The following COL24A1 variants were observed in gnomAD, a reference collection of about 807,000 sequenced individuals.
COL24A1 encodes the protein collagen type XXIV alpha 1 chain, also known as collagen alpha-1(XXIV) chain.
COL24A1 carries 224 observed loss-of-function variants against 253.9 expected under a neutral mutation model. That is an observed-to-expected ratio of 0.88 (90% CI 0.79 to 0.99). The LOEUF is 0.99. COL24A1 is among the 50% of genes least tolerant of loss of function. The probability of loss-of-function intolerance (pLI) is 0.00; values close to 1 mark genes in which losing one functional copy is unlikely to be tolerated. For synonymous variants in COL24A1, 685 were observed against 673.7 expected, an observed-to-expected ratio of 1.02 and a Z score of -0.26; for missense variants, 2,131 against 2,068.5, an observed-to-expected ratio of 1.03 and a Z score of -0.59.
At chr1:85,973,059 T>C (rs1012444830) in intron 20 of COL24A1, among the ~76,000 whole-genome samples, 1 of 152,204 alleles carries the variant, frequency 6.6e-6, no homozygotes, top group East Asian at 1.9e-4. Flanking sequence ...GATTTAGAAC[T>C]GCCTTCAATA....
At chr1:85,774,350 G>T (rs770512067) in intron 53 of COL24A1, among the ~76,000 whole-genome samples, 7 of 152,012 alleles carry the variant, frequency 4.6e-5, no homozygotes, top group Non-Finnish European at 8.8e-5. Context: ...TTGTGTCTCT[G>T]CCGGGCTTTA....
intron 28 of COL24A1, among the ~76,000 whole-genome samples, 199 bp downstream of exon 28, chr1:85,906,995 G>A (rs1211237148): frequency 6.6e-6 from 1 of 151,848 alleles, no homozygotes; most frequent in East Asian, 1.9e-4. Context: ...ATGGAAAAAT[G>A]TGATTTTATA....
chr1:85,966,331 A>C (rs556986179), intron 22 of COL24A1, among the ~76,000 whole-genome samples: 1 of 152,172 alleles, frequency 6.6e-6, no homozygotes, highest in South Asian at 2.1e-4. Flanking sequence ...CTTGTTAGAC[A>C]TCTAAATGGA....
chr1:85,883,162 GTCTTCTTCT>G (rs956530866), intron 32 of COL24A1, among the ~76,000 whole-genome samples: 1 of 151,282 alleles, frequency 6.6e-6, no homozygotes, highest in Admixed American at 6.6e-5. Context: ...TTCTTCTTTC[GTCTTCTTCT>G]TCTTCTTTTT....
intron 7 of COL24A1, among the ~76,000 whole-genome samples, chr1:86,078,931 C>A (rs1702439191): frequency 6.6e-6 from 1 of 152,076 alleles, no homozygotes; most frequent in Non-Finnish European, 1.5e-5. Flanking sequence ...CAGTAATATT[C>A]TTCATAGAAA....
rs777277137 is a variant in COL24A1 at position 86,126,188 on chromosome 1, G to C, written c.148C>G (p.Leu50Val). ...QGIDILHQLG[L>V]GGKDVRHSSP... ...GAGTGTCTTACGTCTTTGCCTCCAA[G>C]GCCTAGTTGATGAAGAATATCTATG... is the stretch of plus-strand genomic sequence containing the variant. Residue 50 changes from leucine (L) to valine (V), a missense_variant, in exon 3 of 60, where the codon CTT becomes GTT. Coordinates refer to ENST00000370571, the MANE Select transcript of COL24A1 (RefSeq NM_152890.7). 2.5e-6 allele frequency: 4 copies of C among 1,598,290 alleles called. No homozygotes were observed. Among genetic ancestry groups the C allele is most frequent in the East Asian group, 4.5e-5 (2 of 44,782 alleles).
intron 51 of COL24A1, among the ~76,000 whole-genome samples, chr1:85,783,265 C>A (rs78447373): frequency 7.4e-6 from 1 of 135,176 alleles, no homozygotes; most frequent in African/African-American, 2.7e-5. Context: ...TCTGATGATT[C>A]TTTTTTTTTT....
chr1:86,035,317 A>G (rs1478870751), intron 12 of COL24A1, among the ~76,000 whole-genome samples: 3 of 152,166 alleles, frequency 2.0e-5, no homozygotes, highest in Non-Finnish European at 4.4e-5. Context: ...ATTCAGTATG[A>G]GCTAACATGG....
intron 20 of COL24A1, among the ~76,000 whole-genome samples, chr1:85,982,554 T>C (rs1693360171): frequency 6.6e-6 from 1 of 151,770 alleles, no homozygotes; most frequent in Non-Finnish European, 1.5e-5. Flanking sequence ...ATTTTGTATC[T>C]CTCATCCCTC....
chr1:85,842,970 C>G (rs1444678228), intron 39 of COL24A1, among the ~76,000 whole-genome samples: 2 of 152,000 alleles, frequency 1.3e-5, no homozygotes, highest in Non-Finnish European at 2.9e-5. Context: ...AGCAAATGCC[C>G]TTAGCCTACT....
intron 19 of COL24A1, among the ~76,000 whole-genome samples, chr1:85,997,059 A>G (rs202149515): frequency 0.28 from 15,804 of 57,418 alleles, 2,418 homozygotes; most frequent in East Asian, 0.54. Flanking sequence ...GTGTGTGTAT[A>G]TATATATATA....
In COL24A1 at chr1:86,030,745, T is replaced by C. The variant is rs1698492270; in HGVS notation, c.2049+1133A>G. ...AGTGGGCCAGGCTAATTTTCTTTTTTCTTTCTTTTTTTTTTTTTTTGTTGT... is the reference window on the plus strand; with the variant it reads ...AGTGGGCCAGGCTAATTTTCTTTTTCCTTTCTTTTTTTTTTTTTTTGTTGT... On this transcript the variant is annotated intron_variant, in intron 14 of 59. Coordinates refer to ENST00000370571, the MANE Select transcript of COL24A1 (RefSeq NM_152890.7). Among the ~76,000 whole-genome samples, 10 of 136,932 alleles carry C rather than the reference T, an allele frequency of 7.3e-5. No individual in the cohort carries two copies. The South Asian group carries it at 2.2e-3, about 30-fold the overall frequency. 89.8% of individuals were successfully genotyped at this position (136,932 alleles called of 152,430 possible).
intron 24 of COL24A1, among the ~76,000 whole-genome samples, chr1:85,925,075 G>A (rs1479910791): frequency 6.6e-6 from 1 of 152,114 alleles, no homozygotes; most frequent in African/African-American, 2.4e-5. Flanking sequence ...ATTCACAATT[G>A]CTTCAAAGAG....
intron 14 of COL24A1, among the ~76,000 whole-genome samples, chr1:86,029,015 G>C (rs1249058962): frequency 6.6e-6 from 1 of 152,072 alleles, no homozygotes; most frequent in Non-Finnish European, 1.5e-5. Flanking sequence ...AAGCTTTTTA[G>C]CTAATCAACT....
chr1:85,919,127 G>A (rs931752980), intron 24 of COL24A1, among the ~76,000 whole-genome samples: 16 of 152,078 alleles, frequency 1.1e-4, no homozygotes, highest in Admixed American at 3.9e-4. Context: ...CTGAGTCTCC[G>A]AATGCAGATA....
At chr1:86,019,365 G>A (rs981464952) in intron 18 of COL24A1, among the ~76,000 whole-genome samples, 7 of 151,064 alleles carry the variant, frequency 4.6e-5, no homozygotes, top group African/African-American at 1.7e-4. Context: ...AGACTAACCT[G>A]GGCAACAAAG....
chr1:85,920,706 T>TAA (rs796950628), intron 24 of COL24A1, among the ~76,000 whole-genome samples: 5 of 149,322 alleles, frequency 3.3e-5, no homozygotes, highest in African/African-American at 1.2e-4. Flanking sequence ...ATATCATCAT[T>TAA]AAAAAAAAAC....
intron 22 of COL24A1, among the ~76,000 whole-genome samples, chr1:85,969,143 A>T (rs1429613305): frequency 6.6e-6 from 1 of 152,214 alleles, no homozygotes; most frequent in Non-Finnish European, 1.5e-5. Flanking sequence ...TTTAAATAAG[A>T]TCAATTTTAT....
chr1:85,971,418 C>T, intron 20 of COL24A1, 25 bp from the exon 21 acceptor site: 2 of 1,577,734 alleles, frequency 1.3e-6, no homozygotes, highest in Non-Finnish European at 1.7e-6. Flanking sequence ...TAAATGCACA[C>T]AATAGAAATT....
Sources: allele counts gnomAD v4.1 joint callset (sites outside exome capture counted in the v4.1 genomes callset), GRCh38; gene constraint gnomAD v4.1.1; transcripts MANE v1.5; gene names NCBI Gene and HGNC (gene_info 2026-07-23, HGNC 2026-07-21).